Variants in NOX1 observed in about 807,000 individuals in gnomAD.
NOX1 encodes the protein NADPH oxidase 1.
A neutral mutation model predicts 42.5 loss-of-function variants in NOX1; 34 were observed. That is an observed-to-expected ratio of 0.80 (90% CI 0.61 to 1.07). The LOEUF is 1.07. NOX1 is among the 50% of genes least tolerant of loss of function. NOX1 has a pLI of 0.00. For missense variants in NOX1, 408 were observed against 427.0 expected, an observed-to-expected ratio of 0.96 and a Z score of 0.39; for synonymous variants, 143 against 152.5, an observed-to-expected ratio of 0.94 and a Z score of 0.46.
intron 11 of NOX1, 53 bp from the exon 12 acceptor site, chrX:100,848,807 G>A (rs2147903103): frequency 4.3e-6 from 5 of 1,169,809 alleles, no homozygotes; most frequent in Non-Finnish European, 5.8e-6. Flanking sequence ...CTGGGTGCGT[G>A]GCTCACGCCT....
At chrX:100,862,598 G>A (rs1345914291) in intron 5 of NOX1, 25 bp from the exon 6 acceptor site, 1 of 1,199,811 alleles carries the variant, frequency 8.3e-7, no homozygotes. Flanking sequence ...ATGTCAGCCT[G>A]ACACAATGTC....
At chrX:100,869,141 C>T (rs1409422492) in intron 2 of NOX1, among the ~76,000 whole-genome samples, 8 of 110,871 alleles carry the variant, frequency 7.2e-5, no homozygotes, top group Non-Finnish European at 1.3e-4. Context: ...CTTGGCGATG[C>T]GGGCTCTTTT....
In NOX1 at chrX:100,848,697, G is replaced by C; in HGVS notation, c.1501C>G (p.Gln501Glu). Reference protein sequence around the residue: ...KATDIVTGLKQKTSFGRPMWD... With the variant: ...KATDIVTGLKEKTSFGRPMWD... ...ATTGGTCTCCCAAAGGAGGTTTTCT[G>C]TTTCAGACCTGTCACGATGTCAGTG... The change falls in exon 12 of 13, where the codon CAG (glutamine) becomes GAG (glutamate). Residue 501 changes from glutamine to glutamate, a missense_variant. Coordinates refer to ENST00000372966, the MANE Select transcript of NOX1 (RefSeq NM_007052.5). 2 of 1,210,293 alleles carry C rather than the reference G, an allele frequency of 1.7e-6. No individual in the cohort carries two copies. Among genetic ancestry groups the C allele is most frequent in the Non-Finnish European group, 1.1e-6 (1 of 893,833 alleles).
chrX:100,870,760 C>T lies in NOX1; in HGVS notation c.100G>A (p.Glu34Lys), dbSNP rs746937013. 11 of 1,201,163 alleles carry T rather than the reference C, an allele frequency of 9.2e-6. No individual in the cohort carries two copies. The highest frequency in any genetic ancestry group is 1.2e-5 in the Non-Finnish European group (11 of 887,145). The change falls in exon 2 of 13, where the codon GAG becomes AAG. Residue 34 changes from glutamate (E) to lysine (K), a missense_variant. By Grantham distance (56) the Glu-to-Lys change is moderately conservative. Transcript: ENST00000372966. ...FLFVDAFLKYEKADKYYYTRK... is the reference protein window; with the variant it reads ...FLFVDAFLKYKKADKYYYTRK... ...GTGTAGTAGTATTTGTCGGCCTTCT[C>T]ATATTTCAGGAAGGCATCCACAAAC...
At chrX:100,855,769 T>G in intron 7 of NOX1, 1 of 1,047,851 alleles carries the variant, frequency 9.5e-7, no homozygotes, top group Non-Finnish European at 1.3e-6. Flanking sequence ...AAGTTTTCAT[T>G]CCCACCAAAA....
chrX:100,872,797 C>T (rs755914296), intron 1 of NOX1, among the ~76,000 whole-genome samples: 1 of 110,142 alleles, frequency 9.1e-6, no homozygotes, highest in African/African-American at 3.3e-5. Context: ...GACCTGAAGT[C>T]TAGAGAGGAT....
At chrX:100,853,284 TTC>T (rs768047392) in intron 7 of NOX1, among the ~76,000 whole-genome samples, 1 of 71,342 alleles carries the variant, frequency 1.4e-5, no homozygotes, top group Non-Finnish European at 2.6e-5. Context: ...CTTTCTTTCT[TTC>T]TTTCTTTCTT....
chrX:100,855,943 A>C, intron 7 of NOX1: 1 of 1,166,367 alleles, frequency 8.6e-7, no homozygotes, highest in East Asian at 3.0e-5. Context: ...ACAAAGGCAA[A>C]GCCCCTTTTC....
chrX:100,853,350 C>CTT (rs2085141319), intron 7 of NOX1, among the ~76,000 whole-genome samples: 3 of 91,130 alleles, frequency 3.3e-5, no homozygotes, highest in African/African-American at 4.3e-5. Context: ...TTCTTTCTTT[C>CTT]TTTCTTTCTT....
At chrX:100,865,626 C>A (rs2085232245) in intron 2 of NOX1, among the ~76,000 whole-genome samples, 1 of 112,698 alleles carries the variant, frequency 8.9e-6, no homozygotes, top group Non-Finnish European at 1.9e-5. Context: ...TGGAATGTTT[C>A]AATAAATTAT....
Position 100,872,617 on chromosome X carries a change from A to G in NOX1, c.45+1478T>C, listed in dbSNP as rs972036489. Among the ~76,000 whole-genome samples, 5 of 111,397 alleles carry G rather than the reference A, an allele frequency of 4.5e-5. 1 individual carries two copies. Among genetic ancestry groups the G allele is most frequent in the Non-Finnish European group, 3.8e-5 (2 of 53,030 alleles). On this transcript the variant is annotated intron_variant, in intron 1 of 12. Transcript: ENST00000372966. Reference sequence around the variant, plus strand: ...AAAGCTAGAGAGTTAAATGTGAGTCACCATCATAGCTGGTAAACTCTCCCA... The same window carrying G: ...AAAGCTAGAGAGTTAAATGTGAGTCGCCATCATAGCTGGTAAACTCTCCCA...
chrX:100,845,294 A>C (rs771456040), intron 12 of NOX1, among the ~76,000 whole-genome samples: 3 of 111,986 alleles, frequency 2.7e-5, no homozygotes, highest in African/African-American at 9.7e-5. Flanking sequence ...AATGTTTCAC[A>C]TAAGTGGAAT....
Position 100,843,388 on chromosome X carries a change from C to A in NOX1, c.*564G>T, listed in dbSNP as rs1267916098. ...AAATAAGAATAAATTGCTGTTCACA[C>A]TGGATAAGACCATATCAAAAGTGAC... is the stretch of plus-strand genomic sequence containing the variant. On this transcript the variant is annotated 3_prime_UTR_variant, in exon 13 of 13. Coordinates refer to ENST00000372966, the MANE Select transcript of NOX1 (RefSeq NM_007052.5). 2 of 1,135,200 alleles carry A rather than the reference C, an allele frequency of 1.8e-6. No individual in the cohort carries two copies. The highest frequency in any genetic ancestry group is 2.3e-6 in the Non-Finnish European group (2 of 860,052). 93.6% of individuals were successfully genotyped at this position (1,135,200 alleles called of 1,213,427 possible). A position where few individuals can be genotyped will look rare whatever the true frequency, so the allele number is the denominator to read the frequency against.
At chrX:100,845,230 G>T (rs903444986) in intron 12 of NOX1, among the ~76,000 whole-genome samples, 4 of 110,159 alleles carry the variant, frequency 3.6e-5, no homozygotes, top group African/African-American at 1.3e-4. Flanking sequence ...CAACTACCCT[G>T]TCCTACCCAA....
chrX:100,853,338 CTTTCTT>C (rs2085140444), intron 7 of NOX1, among the ~76,000 whole-genome samples: 1 of 86,442 alleles, frequency 1.2e-5, no homozygotes. Flanking sequence ...CTTTCTCTTT[CTTTCTT>C]TCTTTCTTTC....
intron 7 of NOX1, among the ~76,000 whole-genome samples, chrX:100,857,606 G>C (rs1291172644): frequency 1.8e-5 from 2 of 111,596 alleles, no homozygotes; most frequent in East Asian, 2.8e-4. Flanking sequence ...TTGTGGTTTG[G>C]ATTTGCATTT....
chrX:100,843,506 T>C lies in NOX1; in HGVS notation c.*446A>G. On this transcript the variant is annotated 3_prime_UTR_variant, in exon 13 of 13. Transcript: ENST00000372966. ...TTTATTATTATGTTTTATCATTAAT[T>C]ATTCAATAAATTTTTATTTAAAAAG... The C allele has an allele frequency of 9.6e-7, 1 of 1,045,390 alleles. No homozygotes were observed. Among genetic ancestry groups the C allele is most frequent in the Non-Finnish European group, 1.2e-6 (1 of 804,436 alleles). The allele number at this position is 1,045,390 out of a possible 1,213,427, so 86.2% of individuals were successfully genotyped here.
chrX:100,873,504 A>G (rs915934516), intron 1 of NOX1, among the ~76,000 whole-genome samples: 1 of 112,231 alleles, frequency 8.9e-6, no homozygotes, highest in Non-Finnish European at 1.9e-5. Flanking sequence ...ATCAGATTTG[A>G]AAGACTCAGT....
chrX:100,849,067 ACT>A (rs1227556326), intron 11 of NOX1, among the ~76,000 whole-genome samples: 1 of 95,051 alleles, frequency 1.1e-5, no homozygotes, highest in Non-Finnish European at 2.1e-5. Flanking sequence ...CAAGAGTGAA[ACT>A]CTGTCTCAAA....
Sources: gnomAD v4.1 joint callset for allele counts (sites outside exome capture counted in the v4.1 genomes callset) on GRCh38, gnomAD v4.1.1 for gene constraint, MANE v1.5 for transcripts, NCBI Gene and HGNC (gene_info 2026-07-23, HGNC 2026-07-21) for gene names.